MFHAS1: variants seen among roughly 807,000 people sequenced by gnomAD.
The protein encoded by MFHAS1 is malignant fibrous histiocytoma-amplified sequence 1.
Under a neutral mutation model 70.4 loss-of-function variants are expected in MFHAS1, and 50 were observed. The observed-to-expected ratio is 0.71, with a 90% CI of 0.57 to 0.90. The LOEUF (loss-of-function observed/expected upper bound fraction) is 0.90. MFHAS1 is among the 40% of genes least tolerant of loss of function. The pLI is 0.00. For missense variants in MFHAS1, 1,795 were observed against 1,347.6 expected (o/e 1.33, Z -5.20); for synonymous variants, 952 against 620.0 (o/e 1.54, Z -7.96).
chr8:8,813,969 T>C (rs1241395978), intron 1 of MFHAS1, among the ~76,000 whole-genome samples: 1 of 151,588 alleles, frequency 6.6e-6, no homozygotes, highest in African/African-American at 2.4e-5. Flanking sequence ...GACAGAGTAT[T>C]GCTCTGTTGC....
intron 1 of MFHAS1, among the ~76,000 whole-genome samples, chr8:8,875,889 T>C (rs1221927702): frequency 1.3e-5 from 2 of 152,166 alleles, no homozygotes; most frequent in East Asian, 1.9e-4. Flanking sequence ...GCCCGGCCTA[T>C]AAGTTTTTAT....
At chr8:8,840,142 A>T (rs760561586) in intron 1 of MFHAS1, among the ~76,000 whole-genome samples, 3 of 152,200 alleles carry the variant, frequency 2.0e-5, no homozygotes, top group Non-Finnish European at 4.4e-5. Context: ...ATTATTAGGA[A>T]GACTCCAGGG....
In MFHAS1 at chr8:8,892,642, C is replaced by A; in HGVS notation, c.417G>T (p.Lys139Asn). The A allele has an allele frequency of 6.3e-7, 1 of 1,599,148 alleles. No individual in the cohort carries two copies. The highest frequency in any genetic ancestry group is 8.5e-7 in the Non-Finnish European group (1 of 1,173,708). ...GCAGCTGGTTGTGGCTGAGGTTGAG[C>A]TTCCGCAGCTCCCTCAGAGCACTCA... ...EVVSALRELR[K>N]LNLSHNQLPA... Residue 139 changes from lysine to asparagine, a missense_variant, in exon 1 of 3, where the codon AAG becomes AAT. Transcript: ENST00000276282. This position sits in a 1 kb window ranked among gnomAD's most constrained non-coding sequence, Gnocchi z 4.7.
At chr8:8,849,309 G>C (rs1197568909) in intron 1 of MFHAS1, among the ~76,000 whole-genome samples, 1 of 152,032 alleles carries the variant, frequency 6.6e-6, no homozygotes, top group Admixed American at 6.6e-5. Context: ...TTGAACTCCT[G>C]GCCTCAAGTG....
At chr8:8,804,132 G>A (rs183930488) in intron 1 of MFHAS1, among the ~76,000 whole-genome samples, 298 of 152,270 alleles carry the variant, frequency 2.0e-3, no homozygotes, top group Non-Finnish European at 2.6e-3. Context: ...TTTTCAAAAC[G>A]ACTCAAACTC....
At chr8:8,788,897 G>A (rs771133015) in intron 2 of MFHAS1, among the ~76,000 whole-genome samples, 7 of 152,180 alleles carry the variant, frequency 4.6e-5, no homozygotes, top group African/African-American at 1.7e-4. Context: ...GGGAGTATCT[G>A]TGTGTTGGCA....
At position 8,884,041 on chromosome 8, in the gene MFHAS1, A is replaced by AACACAC. The variant is rs10660555; in HGVS notation, c.2998+6014_2998+6019dup. Among the ~76,000 whole-genome samples, 1,332 of 134,110 alleles carry AACACAC rather than the reference A, an allele frequency of 9.9e-3. 12 individuals carry two copies. The highest frequency in any genetic ancestry group is 0.029 in the South Asian group (111 of 3,864). 88.0% of individuals were successfully genotyped at this position (134,110 alleles called of 152,430 possible). On this transcript the variant is annotated intron_variant, in intron 1 of 2. Transcript: ENST00000276282. The stretch of plus-strand genomic sequence containing the variant: ...AAAAAGGCCCTATCTCTATTTCACA[A>AACACAC]ACACACACACACACACACACACACA...
chr8:8,822,293 G>A (rs1806985202), intron 1 of MFHAS1, among the ~76,000 whole-genome samples: 1 of 152,228 alleles, frequency 6.6e-6, no homozygotes, highest in Non-Finnish European at 1.5e-5. Context: ...CAGCTGCAGA[G>A]CAAGCTGGTC....
chr8:8,840,259 C>G (rs539355996), intron 1 of MFHAS1, among the ~76,000 whole-genome samples: 50 of 152,234 alleles, frequency 3.3e-4, no homozygotes, highest in African/African-American at 1.2e-3. Flanking sequence ...GAGTTTCAGG[C>G]TAGCCTGGCC....
At chr8:8,859,222 T>C (rs1808570341) in intron 1 of MFHAS1, among the ~76,000 whole-genome samples, 1 of 152,158 alleles carries the variant, frequency 6.6e-6, no homozygotes, top group Non-Finnish European at 1.5e-5. Context: ...CACACGCCTG[T>C]AGTCCCAGCC....
intron 1 of MFHAS1, among the ~76,000 whole-genome samples, chr8:8,824,654 A>T (rs1807090419): frequency 1.3e-5 from 2 of 152,144 alleles, no homozygotes; most frequent in African/African-American, 4.8e-5. Flanking sequence ...CCTGCCCTCA[A>T]ATCTCACCAG....
At chr8:8,853,130 A>G (rs969412853) in intron 1 of MFHAS1, among the ~76,000 whole-genome samples, 1 of 151,806 alleles carries the variant, frequency 6.6e-6, no homozygotes, top group African/African-American at 2.4e-5. Flanking sequence ...CCTACTACAC[A>G]AACAAGGCTC....
chr8:8,817,263 AG>A, intron 1 of MFHAS1, among the ~76,000 whole-genome samples: 1 of 152,200 alleles, frequency 6.6e-6, no homozygotes, highest in East Asian at 1.9e-4. Context: ...CTTCTATGAA[AG>A]GAAAAAAAAA....
Position 8,827,514 on chromosome 8 carries a change from G to A in MFHAS1, c.2999-30023C>T, listed in dbSNP as rs150929077. Among the ~76,000 whole-genome samples, 613 of 152,276 alleles carry A rather than the reference G, an allele frequency of 4.0e-3. 2 individuals are homozygous for A. The highest frequency in any genetic ancestry group is 0.017 in the Middle Eastern group (5 of 294). ...CCTTTGCATTTTTAAACAAAGTGAA[G>A]TTTACTATGTTTTCACAAGCTCACT... On this transcript the variant is annotated intron_variant, in intron 1 of 2. Coordinates refer to ENST00000276282, the MANE Select transcript of MFHAS1 (RefSeq NM_004225.3).
At chr8:8,832,209 A>T (rs1386239202) in intron 1 of MFHAS1, among the ~76,000 whole-genome samples, 3 of 152,158 alleles carry the variant, frequency 2.0e-5, no homozygotes, top group African/African-American at 7.2e-5. Context: ...AAAAGTACTA[A>T]CCAGAAGACT....
Position 8,892,045 on chromosome 8 carries a change from G to A in MFHAS1, c.1014C>T (p.Ile338=), listed in dbSNP as rs375992541. The change falls in exon 1 of 3, where the codon ATC becomes ATT. Residue 338 remains isoleucine (I), a synonymous_variant. Coordinates refer to ENST00000276282, the MANE Select transcript of MFHAS1 (RefSeq NM_004225.3). This position sits in a 1 kb window ranked among gnomAD's most constrained non-coding sequence, Gnocchi z 4.7. The stretch of plus-strand genomic sequence containing the variant: ...GCTCCTCCAGGCCGGTCAGCTCCAC[G>A]ATGGAGTCCGGCAGGTAGCGGATGC... ...NNRIRYLPDS[I]VELTGLEELV... is the part of the protein sequence containing the mutation. 66 of 1,613,334 alleles carry A rather than the reference G, an allele frequency of 4.1e-5. No homozygotes were observed. In the Middle Eastern group the frequency reaches 9.9e-4, roughly 24 times the overall value.
intron 1 of MFHAS1, among the ~76,000 whole-genome samples, chr8:8,866,929 A>G (rs891401309): frequency 6.6e-6 from 1 of 152,232 alleles, no homozygotes; most frequent in African/African-American, 2.4e-5. Context: ...GGGGAAATAC[A>G]TATCTGATAC....
At chr8:8,870,600 C>T (rs921238363) in intron 1 of MFHAS1, among the ~76,000 whole-genome samples, 3 of 152,182 alleles carry the variant, frequency 2.0e-5, no homozygotes, top group Non-Finnish European at 4.4e-5. Context: ...AAAGTCCCTA[C>T]GACTCACCTC....
intron 2 of MFHAS1, among the ~76,000 whole-genome samples, chr8:8,787,723 T>C (rs1374235696): frequency 6.6e-6 from 1 of 152,226 alleles, no homozygotes; most frequent in Non-Finnish European, 1.5e-5. Context: ...GTGTGAGTTT[T>C]GGGTTCACGT....
Sources: gnomAD v4.1 joint callset for allele counts (sites outside exome capture counted in the v4.1 genomes callset) on GRCh38, gnomAD v4.1.1 for gene constraint, Gnocchi (gnomAD v3.1) non-coding constraint, MANE v1.5 for transcripts, NCBI Gene and HGNC (gene_info 2026-07-23, HGNC 2026-07-21) for gene names.